SPEF2: variants seen among roughly 807,000 people sequenced by gnomAD.
SPEF2 encodes sperm flagella and cilia-associated protein 2.
In SPEF2, 187 loss-of-function variants were observed where a neutral mutation model predicts 224.6. That is an observed-to-expected ratio of 0.83 (90% CI 0.74 to 0.94). SPEF2 has a LOEUF of 0.94. Among genes scored for constraint, SPEF2 ranks in the 40% least tolerant of loss-of-function variants. SPEF2 has a pLI of 0.00. For synonymous variants in SPEF2, 715 were observed against 707.3 expected, an observed-to-expected ratio of 1.01 and a Z score of -0.17; for missense variants, 2,170 against 2,135.6, an observed-to-expected ratio of 1.02 and a Z score of -0.32.
chr5:35,725,592 G>T (rs1744500062), intron 20 of SPEF2, among the ~76,000 whole-genome samples: 1 of 152,028 alleles, frequency 6.6e-6, no homozygotes, highest in Admixed American at 6.6e-5. Context: ...TCTTATCTTA[G>T]AATTAACTGT....
In SPEF2 at chr5:35,717,891, C is replaced by T. The variant is rs183829716; in HGVS notation, c.2914+5005C>T. Among the ~76,000 whole-genome samples, 16 of 152,270 alleles carry T rather than the reference C, an allele frequency of 1.1e-4. No individual in the cohort carries two copies. The East Asian group carries it at 2.5e-3, about 24-fold the overall frequency. On this transcript the variant is annotated intron_variant, in intron 20 of 36. Transcript: ENST00000356031. ...GGATAAGGACGAAGACCGATCTTAA[C>T]GCTTCCTGCTGACAGGGGGCGCTGT...
intron 24 of SPEF2, among the ~76,000 whole-genome samples, chr5:35,757,649 C>T (rs907318560): frequency 6.6e-6 from 1 of 152,240 alleles, no homozygotes; most frequent in African/African-American, 2.4e-5. Context: ...CAAACCTAAG[C>T]ATGACAGGTG....
chr5:35,796,536 CGGG>C (rs1265165816), intron 33 of SPEF2, among the ~76,000 whole-genome samples: 1 of 150,672 alleles, frequency 6.6e-6, no homozygotes, highest in Non-Finnish European at 1.5e-5. Context: ...GGCGTGAACC[CGGG>C]AGGCAGAGCT....
chr5:35,710,581 T>C (rs1468134623), intron 19 of SPEF2: 1 of 984,878 alleles, frequency 1.0e-6, no homozygotes, highest in South Asian at 4.7e-5. Flanking sequence ...GAAAAATAAC[T>C]GAGGAAGACA....
chr5:35,712,968 G>C, intron 20 of SPEF2, 82 bp downstream of exon 20: 3 of 1,244,120 alleles, frequency 2.4e-6, no homozygotes, highest in Non-Finnish European at 3.4e-6. Flanking sequence ...GATTTGTATA[G>C]TAGTATACAT....
At chr5:35,679,811 T>C (rs770986537) in intron 10 of SPEF2, among the ~76,000 whole-genome samples, 1 of 152,174 alleles carries the variant, frequency 6.6e-6, no homozygotes, top group African/African-American at 2.4e-5. Flanking sequence ...AGGCTACTTA[T>C]TTGAATTTCT....
chr5:35,670,757 A>G (rs981425791), intron 10 of SPEF2: 1 of 985,366 alleles, frequency 1.0e-6, no homozygotes, highest in African/African-American at 1.7e-5. Context: ...TTGAGATTAG[A>G]CAGACTAGAG....
At chr5:35,776,476 C>T (rs1393691663) in intron 29 of SPEF2, 81 bp downstream of exon 29, 3 of 1,476,254 alleles carry the variant, frequency 2.0e-6, no homozygotes, top group African/African-American at 1.4e-5. Flanking sequence ...AAGGTATTTA[C>T]AAATTTAAGT....
intron 26 of SPEF2, among the ~76,000 whole-genome samples, chr5:35,769,722 A>G (rs1401636861): frequency 1.3e-5 from 2 of 152,154 alleles, no homozygotes; most frequent in Non-Finnish European, 2.9e-5. Context: ...ACATGCTGCC[A>G]TGGGGTATGC....
chr5:35,708,065 A>C (rs1014747116), intron 18 of SPEF2, among the ~76,000 whole-genome samples: 1 of 152,112 alleles, frequency 6.6e-6, no homozygotes, highest in Non-Finnish European at 1.5e-5. Context: ...TTACTGTTGT[A>C]TCTCCAGCAA....
rs1463854440 is a variant in SPEF2, at chr5:35,789,058, T to A, written c.4448-3282T>A. On this transcript the variant is annotated intron_variant, in intron 30 of 36. Transcript: ENST00000356031. ...TAAGTAATTTTGAAATATCGTATTA[T>A]TTTGCTTTTTCAGAATCACAGAAAA... is the stretch of plus-strand genomic sequence containing the variant. 7 of 682,878 alleles carry A rather than the reference T, an allele frequency of 1.0e-5. No individual in the cohort carries two copies. In the African/African-American group the frequency reaches 1.2e-4, roughly 12 times the overall value. The allele number at this position is 682,878 out of a possible 1,614,324, so 42.3% of individuals were successfully genotyped here. A position where few individuals can be genotyped will look rare whatever the true frequency, so the allele number is the denominator to read the frequency against.
In SPEF2 at chr5:35,769,159, G is replaced by A. The variant is rs114553629; in HGVS notation, c.3802-2450G>A. Among the ~76,000 whole-genome samples, 551 of 152,210 alleles carry A rather than the reference G, an allele frequency of 3.6e-3. 7 individuals carry two copies. Among genetic ancestry groups the A allele is most frequent in the African/African-American group, 0.013 (541 of 41,538 alleles). On this transcript the variant is annotated intron_variant, in intron 26 of 36. Coordinates refer to ENST00000356031, the MANE Select transcript of SPEF2 (RefSeq NM_024867.4). ...TCAGACAATTATGATGCATAATTAT[G>A]CAGGTAATTATGATAATTATCATCA...
At chr5:35,658,157 T>C (rs1281245123) in intron 7 of SPEF2, among the ~76,000 whole-genome samples, 1 of 152,194 alleles carries the variant, frequency 6.6e-6, no homozygotes, top group Non-Finnish European at 1.5e-5. Context: ...TAATTTTACC[T>C]AATGAGAAAT....
At chr5:35,641,118 T>A (rs1746570696) in intron 2 of SPEF2, among the ~76,000 whole-genome samples, 1 of 152,186 alleles carries the variant, frequency 6.6e-6, no homozygotes, top group South Asian at 2.1e-4. Flanking sequence ...TGAGAAATAG[T>A]ATACTAGGAA....
chr5:35,775,433 G>C (rs1053282500), intron 28 of SPEF2, among the ~76,000 whole-genome samples: 1 of 152,082 alleles, frequency 6.6e-6, no homozygotes, highest in Non-Finnish European at 1.5e-5. Flanking sequence ...GGCAGAGAGA[G>C]GGGTAAGAGG....
Position 35,779,105 on chromosome 5 carries a change from T to C in SPEF2, c.4218-12T>C. 6.2e-7 allele frequency: 1 copy of C among 1,600,442 alleles called. No homozygotes were observed. Among genetic ancestry groups the C allele is most frequent in the Non-Finnish European group, 8.5e-7 (1 of 1,170,706 alleles). On this transcript the variant is annotated splice_polypyrimidine_tract_variant and intron_variant, in intron 29 of 36. Transcript: ENST00000356031. ...TTCATGGGGTTAACGCTATCCATTT[T>C]ACCACTTTCAGTACAGAAAAATTAA...
chr5:35,728,340 A>C (rs1745033848), intron 21 of SPEF2, among the ~76,000 whole-genome samples: 1 of 152,202 alleles, frequency 6.6e-6, no homozygotes, highest in Non-Finnish European at 1.5e-5. Context: ...GAGCGCTGAA[A>C]GCTCCGCCTA....
intron 10 of SPEF2, among the ~76,000 whole-genome samples, chr5:35,684,286 C>T (rs1753259316): frequency 6.6e-6 from 1 of 152,162 alleles, no homozygotes; most frequent in South Asian, 2.1e-4. Flanking sequence ...CTTTGAGATG[C>T]TTACCTTGAC....
chr5:35,744,984 G>A (rs1002103976), intron 23 of SPEF2, among the ~76,000 whole-genome samples: 13 of 146,214 alleles, frequency 8.9e-5, no homozygotes, highest in African/African-American at 1.7e-4. Context: ...GCCCTAGTGC[G>A]GCAGTGGGAA....
Sources: gnomAD v4.1 joint callset for allele counts (sites outside exome capture counted in the v4.1 genomes callset) on GRCh38, gnomAD v4.1.1 for gene constraint, MANE v1.5 for transcripts, NCBI Gene and HGNC (gene_info 2026-07-23, HGNC 2026-07-21) for gene names.